PPFIBP2: variants seen among roughly 807,000 people sequenced by gnomAD.
The protein encoded by PPFIBP2 is liprin-beta-2.
In PPFIBP2, 118 loss-of-function variants were observed where a neutral mutation model predicts 118.3. The ratio of observed to expected loss-of-function variants is 1.00; its 90% CI spans 0.86 to 1.16. The LOEUF is 1.16. Ranked by LOEUF, PPFIBP2 falls within the 50% of genes most tolerant of loss-of-function variation. The pLI, the probability that PPFIBP2 is intolerant of heterozygous loss-of-function variation, is 0.00. For synonymous variants in PPFIBP2, 414 were observed against 397.4 expected (o/e 1.04, Z -0.50); for missense variants, 1,195 against 1,073.1 (o/e 1.11, Z -1.59).
chr11:7,570,097 G>T (rs186560706), intron 3 of PPFIBP2, among the ~76,000 whole-genome samples: 1 of 152,302 alleles, frequency 6.6e-6, no homozygotes, highest in Admixed American at 6.5e-5. Context: ...GCCTTGAGTG[G>T]GGCTTTCCCA....
chr11:7,597,360 G>A, intron 4 of PPFIBP2, 200 bp from the exon 5 acceptor site: 1 of 1,535,918 alleles, frequency 6.5e-7, no homozygotes, highest in Non-Finnish European at 8.7e-7. Context: ...CAGTGGCCGA[G>A]ACTCCCTGGT....
chr11:7,577,489 A>AG (rs1208037089), intron 3 of PPFIBP2: 18 of 445,254 alleles, frequency 4.0e-5, no homozygotes, highest in Non-Finnish European at 7.3e-5. Context: ...GGAGTTCTTG[A>AG]GGGGGGAGGG....
intron 1 of PPFIBP2, among the ~76,000 whole-genome samples, chr11:7,544,700 G>T (rs933698205): frequency 1.3e-5 from 2 of 151,146 alleles, no homozygotes; most frequent in Admixed American, 1.3e-4. Context: ...CATGAACCCG[G>T]GAGGCGGAGG....
the PPFIBP2 span, among the ~76,000 whole-genome samples, chr11:7,662,793 C>G: frequency 6.6e-6 from 1 of 151,854 alleles, no homozygotes; most frequent in Non-Finnish European, 1.5e-5. Flanking sequence ...ACCAATCAGA[C>G]ATAGATTTGG....
At chr11:7,564,295 C>T (rs534013926) in intron 2 of PPFIBP2, among the ~76,000 whole-genome samples, 205 of 152,260 alleles carry the variant, frequency 1.3e-3, no homozygotes, top group Admixed American at 3.8e-3. Flanking sequence ...GGTATATGTG[C>T]GGGCATTTTG....
At chr11:7,630,248 C>A (rs1487889960) in intron 10 of PPFIBP2, among the ~76,000 whole-genome samples, 1 of 152,220 alleles carries the variant, frequency 6.6e-6, no homozygotes, top group African/African-American at 2.4e-5. Flanking sequence ...AGAAGCCAAG[C>A]CTCTGCCAGG....
At chr11:7,592,658 G>A (rs777060228) in intron 3 of PPFIBP2, among the ~76,000 whole-genome samples, 1 of 152,192 alleles carries the variant, frequency 6.6e-6, no homozygotes, top group African/African-American at 2.4e-5. Flanking sequence ...CATGCAGCAA[G>A]GTGTGCCTTG....
At chr11:7,546,855 C>G (rs1852380344) in intron 1 of PPFIBP2, among the ~76,000 whole-genome samples, 1 of 152,240 alleles carries the variant, frequency 6.6e-6, no homozygotes, top group Non-Finnish European at 1.5e-5. Flanking sequence ...CTGCCTCTAT[C>G]AACATACCTT....
the PPFIBP2 span, chr11:7,665,580 G>C: frequency 6.4e-7 from 1 of 1,559,580 alleles, no homozygotes; most frequent in South Asian, 1.3e-5. Flanking sequence ...CAAGCTGAGC[G>C]ATGCCAGGTG....
chr11:7,546,737 G>A (rs1016062839), intron 1 of PPFIBP2, among the ~76,000 whole-genome samples: 1 of 152,202 alleles, frequency 6.6e-6, no homozygotes, highest in African/African-American at 2.4e-5. Flanking sequence ...GCCCTTACAT[G>A]CTTCCCTGGC....
chr11:7,610,285 T>C lies in PPFIBP2; in HGVS notation c.487-6T>C. 1.2e-6 allele frequency: 2 copies of C among 1,613,554 alleles called. No homozygotes were observed. The highest frequency in any genetic ancestry group is 1.7e-6 in the Non-Finnish European group (2 of 1,179,412). On this transcript the variant is annotated splice_polypyrimidine_tract_variant and splice_region_variant and intron_variant, in intron 5 of 23. Transcript: ENST00000299492. ...TTCTGATTTCGAGATCTGTTTTTGC[T>C]TGCAGGAGCTGCTAAGCCGCACATC...
intron 5 of PPFIBP2, among the ~76,000 whole-genome samples, chr11:7,600,325 C>T (rs1045361989): frequency 6.6e-6 from 1 of 152,190 alleles, no homozygotes; most frequent in Admixed American, 6.5e-5. Flanking sequence ...AATGTTCGGC[C>T]GCACATGCTA....
At chr11:7,543,713 G>A (rs543668158) in intron 1 of PPFIBP2, among the ~76,000 whole-genome samples, 2 of 152,324 alleles carry the variant, frequency 1.3e-5, no homozygotes, top group African/African-American at 4.8e-5. Context: ...ACTTGCTTCC[G>A]ACTTACCTTC....
At chr11:7,615,977 A>C (rs1291963325) in intron 6 of PPFIBP2, among the ~76,000 whole-genome samples, 1 of 152,090 alleles carries the variant, frequency 6.6e-6, no homozygotes, top group Non-Finnish European at 1.5e-5. Flanking sequence ...AAAAAGGAAG[A>C]GTTTAGAGGT....
intron 3 of PPFIBP2, among the ~76,000 whole-genome samples, chr11:7,587,159 G>C (rs974394900): frequency 6.6e-6 from 1 of 152,162 alleles, no homozygotes; most frequent in Admixed American, 6.5e-5. Context: ...AAGCAAACAG[G>C]TGGTGGATAG....
chr11:7,657,465 A>T (rs899022722), downstream of PPFIBP2, among the ~76,000 whole-genome samples: 7 of 151,970 alleles, frequency 4.6e-5, no homozygotes, highest in African/African-American at 1.5e-4. Flanking sequence ...TTCTGCCTCC[A>T]CCCAAGCTGA....
At chr11:7,655,530 C>G, downstream of PPFIBP2, 1 of 1,283,984 alleles carries the variant, frequency 7.8e-7, no homozygotes, top group Non-Finnish European at 1.0e-6. Flanking sequence ...CACAGTCAGA[C>G]TGGTGCCAGG....
In PPFIBP2 at chr11:7,607,288, G is replaced by C. The variant is rs915085633; in HGVS notation, c.487-3003G>C. 1.4e-5 allele frequency among the ~76,000 whole-genome samples: 2 copies of C among 147,030 alleles called. 1 individual carries two copies. The highest frequency in any genetic ancestry group is 1.4e-4 in the Admixed American group (2 of 14,564). On this transcript the variant is annotated intron_variant, in intron 5 of 23. Transcript: ENST00000299492. Reference sequence around the variant, plus strand: ...TGTGGCATGATCACAGCTCACTGCAGCCTCAACCTCCCAGGTTCAATCAAT... The same window carrying C: ...TGTGGCATGATCACAGCTCACTGCACCCTCAACCTCCCAGGTTCAATCAAT...
intron 3 of PPFIBP2, among the ~76,000 whole-genome samples, chr11:7,591,175 T>C (rs1347438391): frequency 1.3e-5 from 2 of 152,180 alleles, no homozygotes; most frequent in African/African-American, 4.8e-5. Flanking sequence ...CCTTTTATTA[T>C]AATGAAGAAT....
Sources: gnomAD v4.1 joint callset for allele counts (sites outside exome capture counted in the v4.1 genomes callset) on GRCh38, gnomAD v4.1.1 for gene constraint, MANE v1.5 for transcripts, NCBI Gene and HGNC (gene_info 2026-07-23, HGNC 2026-07-21) for gene names.